The following NAA25 variants were observed in gnomAD, a reference collection of about 807,000 sequenced individuals.
NAA25 encodes the protein N-terminal acetyltransferase B complex subunit NAA25.
A neutral mutation model predicts 132.5 loss-of-function variants in NAA25; 30 were observed. That is an observed-to-expected ratio of 0.23 (90% CI 0.17 to 0.31). The LOEUF (loss-of-function observed/expected upper bound fraction) is 0.31. Ranked by LOEUF, NAA25 falls within the 10% of genes least tolerant of loss-of-function variation. The probability of loss-of-function intolerance (pLI) is 1.00; values close to 1 mark genes in which losing one functional copy is unlikely to be tolerated. For synonymous variants in NAA25, 359 were observed against 401.9 expected, an observed-to-expected ratio of 0.89 and a Z score of 1.28; for missense variants, 771 against 1,150.4, an observed-to-expected ratio of 0.67 and a Z score of 4.77.
At chr12:112,039,396 GA>G in intron 21 of NAA25, 57 bp from the exon 22 acceptor site, 1 of 1,015,922 alleles carries the variant, frequency 9.8e-7, no homozygotes, top group Admixed American at 2.1e-5. Context: ...TATCTATCAG[GA>G]AATTAGAGGC....
At chr12:112,065,232 C>T (rs2078698616) in intron 11 of NAA25, among the ~76,000 whole-genome samples, 1 of 152,064 alleles carries the variant, frequency 6.6e-6, no homozygotes, top group African/African-American at 2.4e-5. Context: ...CACAGTGGCT[C>T]AGGCCTGTAA....
At chr12:112,078,582 T>C in intron 6 of NAA25, 52 bp downstream of exon 6, 1 of 1,425,438 alleles carries the variant, frequency 7.0e-7, no homozygotes, top group Non-Finnish European at 9.9e-7. Flanking sequence ...AACATAATAT[T>C]GTAGCACTAG....
At chr12:112,041,337 G>A (rs1315039107) in intron 20 of NAA25, among the ~76,000 whole-genome samples, 1 of 151,708 alleles carries the variant, frequency 6.6e-6, no homozygotes, top group Admixed American at 6.6e-5. Context: ...ACAGGAGCCC[G>A]CCACCACACC....
At chr12:112,056,503 G>A (rs982459630) in intron 13 of NAA25, among the ~76,000 whole-genome samples, 3 of 152,158 alleles carry the variant, frequency 2.0e-5, no homozygotes, top group African/African-American at 7.2e-5. Context: ...GCTACAGAGA[G>A]CTACTATGGT....
At chr12:112,080,887 G>A (rs1204950345) in intron 5 of NAA25, among the ~76,000 whole-genome samples, 173 bp downstream of exon 5, 1 of 152,094 alleles carries the variant, frequency 6.6e-6, no homozygotes, top group Non-Finnish European at 1.5e-5. Flanking sequence ...GGGATTGCTT[G>A]AGCCTAGGAG....
rs562449032 is a variant in NAA25 at position 112,055,164 on chromosome 12, A to T, written c.1448-596T>A. Among the ~76,000 whole-genome samples the T allele has an allele frequency of 8.3e-4, 127 of 152,316 alleles. 2 individuals carry two copies. The highest frequency in any genetic ancestry group is 5.9e-4 in the Admixed American group (9 of 15,288). On this transcript the variant is annotated intron_variant, in intron 13 of 23. Transcript: ENST00000261745. The stretch of plus-strand genomic sequence containing the variant: ...GAAATACAGATAAAGCTTTATATAC[A>T]AAAATAGTTATCGTACTATCTAGTG...
At chr12:112,071,508 A>T (rs545150180) in intron 10 of NAA25, among the ~76,000 whole-genome samples, 2 of 150,290 alleles carry the variant, frequency 1.3e-5, no homozygotes, top group Non-Finnish European at 3.0e-5. Flanking sequence ...ATTTTTTTGT[A>T]TTTTTTGTAG....
At chr12:112,090,602 A>G in intron 3 of NAA25, 124 bp downstream of exon 3, 2 of 880,196 alleles carry the variant, frequency 2.3e-6, no homozygotes, top group South Asian at 3.7e-5. Flanking sequence ...AACCCTGGCT[A>G]ATGCGTTATT....
At chr12:112,055,855 C>T (rs1458636634) in intron 13 of NAA25, among the ~76,000 whole-genome samples, 1 of 152,076 alleles carries the variant, frequency 6.6e-6, no homozygotes, top group Non-Finnish European at 1.5e-5. Flanking sequence ...AAAATGAAAG[C>T]ACCATGCAGT....
At chr12:112,032,221 CT>C (rs1787937234) in intron 23 of NAA25, among the ~76,000 whole-genome samples, 1 of 152,160 alleles carries the variant, frequency 6.6e-6, no homozygotes, top group Non-Finnish European at 1.5e-5. Flanking sequence ...CTCCCTCCGC[CT>C]CCCAAAGTGC....
chr12:112,040,689 T>C, intron 20 of NAA25, 111 bp from the exon 21 acceptor site: 1 of 640,288 alleles, frequency 1.6e-6, no homozygotes, highest in Non-Finnish European at 2.6e-6. Context: ...TAGAAAGCTA[T>C]TTGTTTTTCA....
intron 7 of NAA25, among the ~76,000 whole-genome samples, chr12:112,076,998 A>C (rs80282877): frequency 0.015 from 2,340 of 151,150 alleles, 71 homozygotes; most frequent in African/African-American, 0.054. Flanking sequence ...CCTGTCTCAA[A>C]AACAACAACA....
intron 22 of NAA25, among the ~76,000 whole-genome samples, chr12:112,036,977 C>T (rs1449951425): frequency 1.3e-5 from 2 of 151,966 alleles, no homozygotes; most frequent in African/African-American, 4.8e-5. Context: ...AATGAGCACA[C>T]TAACACCTAG....
chr12:112,063,024 C>T (rs1566013146), intron 11 of NAA25, among the ~76,000 whole-genome samples: 1 of 151,610 alleles, frequency 6.6e-6, no homozygotes, highest in Non-Finnish European at 1.5e-5. Flanking sequence ...TGCGCCATTA[C>T]ACTCCAGCCT....
At chr12:112,051,940 T>C (rs1251923216) in intron 15 of NAA25, among the ~76,000 whole-genome samples, 1 of 152,224 alleles carries the variant, frequency 6.6e-6, no homozygotes, top group Non-Finnish European at 1.5e-5. Context: ...AATACAGTTC[T>C]TCTAGAATGC....
intron 20 of NAA25, among the ~76,000 whole-genome samples, chr12:112,041,806 T>A (rs1297221017): frequency 6.6e-6 from 1 of 152,102 alleles, no homozygotes; most frequent in Non-Finnish European, 1.5e-5. Context: ...AACAAAAAAA[T>A]TAAAGTCAAA....
At chr12:112,039,534 C>T in intron 21 of NAA25, 195 bp from the exon 22 acceptor site, 1 of 412,286 alleles carries the variant, frequency 2.4e-6, no homozygotes, top group Non-Finnish European at 4.3e-6. Flanking sequence ...GCTCAGAATA[C>T]TACAATGGCC....
chr12:112,056,076 T>C (rs1458410672), intron 13 of NAA25, among the ~76,000 whole-genome samples: 2 of 152,170 alleles, frequency 1.3e-5, no homozygotes, highest in African/African-American at 4.8e-5. Context: ...GGCTCACACC[T>C]GTAATCCCAG....
At chr12:112,060,456 G>A (rs2136858472) in intron 12 of NAA25, 97 bp from the exon 13 acceptor site, 1 of 722,698 alleles carries the variant, frequency 1.4e-6, no homozygotes, top group South Asian at 1.8e-5. Context: ...GGAGGGAGAG[G>A]AGGAAAAGTA....
Sources: allele counts gnomAD v4.1 joint callset (sites outside exome capture counted in the v4.1 genomes callset), GRCh38; gene constraint gnomAD v4.1.1; transcripts MANE v1.5; gene names NCBI Gene and HGNC (gene_info 2026-07-23, HGNC 2026-07-21).